The following ZNF500 variants were observed in gnomAD, a reference collection of about 807,000 sequenced individuals.
The protein encoded by ZNF500 is zinc finger protein 500, also known as zinc finger protein with KRAB and SCAN domains 18.
ZNF500 carries 31 observed loss-of-function variants against 30.1 expected under a neutral mutation model. That is an observed-to-expected ratio of 1.03 (90% CI 0.77 to 1.39). The LOEUF (loss-of-function observed/expected upper bound fraction) is 1.39, where lower values mean the gene tolerates loss of function less well. ZNF500 is among the 40% of genes most tolerant of loss of function. The pLI is 0.00. For synonymous variants in ZNF500, 392 were observed against 282.0 expected (o/e 1.39, Z -3.91); for missense variants, 817 against 657.8 (o/e 1.24, Z -2.65).
At chr16:4,746,253 G>A (rs1422482407), downstream of ZNF500, 14 of 1,065,406 alleles carry the variant, frequency 1.3e-5, no homozygotes, top group East Asian at 2.4e-5. Context: ...TAATGTGCCC[G>A]TCTGTAGAGA....
In ZNF500 at chr16:4,762,843, AC is replaced by A; in HGVS notation, c.415-88del. The A allele has an allele frequency of 2.1e-6, 3 of 1,451,612 alleles. No individual in the cohort carries two copies. The South Asian group carries it at 4.3e-5, about 21-fold the overall frequency. 89.9% of individuals were successfully genotyped at this position (1,451,612 alleles called of 1,614,324 possible). On this transcript the variant is annotated intron_variant, in intron 2 of 5. Coordinates refer to ENST00000219478, the MANE Select transcript of ZNF500 (RefSeq NM_021646.4). ...GGGCCCCACACCCCTCATCTCAGGC[AC>A]CCCAGCCGGCTGCCCACCCCCGGGC...
intron 5 of ZNF500, among the ~76,000 whole-genome samples, chr16:4,758,770 A>C (rs1239596910): frequency 6.6e-6 from 1 of 152,204 alleles, no homozygotes; most frequent in Non-Finnish European, 1.5e-5. Context: ...CTGATGACCA[A>C]CCAGAGCCCC....
chr16:4,765,306 A>AC (rs1567541063), intron 2 of ZNF500, among the ~76,000 whole-genome samples: 1 of 152,112 alleles, frequency 6.6e-6, no homozygotes, highest in African/African-American at 2.4e-5. Flanking sequence ...AAAAAAAAAA[A>AC]CATGTTTGGC....
chr16:4,762,454 G>A (rs2082216167), intron 3 of ZNF500, 119 bp from the exon 4 acceptor site: 3 of 1,513,824 alleles, frequency 2.0e-6, no homozygotes, highest in Non-Finnish European at 2.7e-6. Context: ...ACTCCTTGCT[G>A]GAGAGCCTGT....
chr16:4,751,766 G>A lies in ZNF500; in HGVS notation c.*610C>T. On this transcript the variant is annotated 3_prime_UTR_variant, in exon 6 of 6. Coordinates refer to ENST00000219478, the MANE Select transcript of ZNF500 (RefSeq NM_021646.4). ...GGTGGCCCTACCAAAAAAGAGACTG[G>A]GCATGGCGGCACACACCTGTAACCC... is the stretch of plus-strand genomic sequence containing the variant. The A allele has an allele frequency of 4.5e-6, 4 of 882,638 alleles. No individual in the cohort carries two copies. The South Asian group carries it at 6.0e-5, about 13-fold the overall frequency. The allele number at this position is 882,638 out of a possible 1,614,324, so 54.7% of individuals were successfully genotyped here.
rs1190972657 is a variant in ZNF500 at position 4,751,915 on chromosome 16, A to C, written c.*461T>G. The C allele has an allele frequency of 3.6e-6, 1 of 277,038 alleles. No individual in the cohort carries two copies. Among genetic ancestry groups the C allele is most frequent in the Non-Finnish European group, 5.8e-6 (1 of 171,878 alleles). 17.2% of individuals were successfully genotyped at this position (277,038 alleles called of 1,614,324 possible). On this transcript the variant is annotated 3_prime_UTR_variant, in exon 6 of 6. Transcript: ENST00000219478. The stretch of plus-strand genomic sequence containing the variant: ...ACAGCAAGGCCCCGTCTCAAAAAAA[A>C]AAGGGGGGGGGAGCAGGTGGGGGGT...
downstream of ZNF500, chr16:4,746,805 C>A (rs146221626): frequency 4.5e-4 from 424 of 945,722 alleles, 2 homozygotes; most frequent in African/African-American, 6.4e-3. Context: ...CCACCGGCCT[C>A]CAGTGTGGCT....
At chr16:4,747,661 G>A (rs368970244), downstream of ZNF500, 297 of 1,571,064 alleles carry the variant, frequency 1.9e-4, 1 homozygote, top group Middle Eastern at 1.2e-3. Context: ...AGTGGGCAGG[G>A]GCGGGCTGAC....
chr16:4,745,133 C>CT (rs1397837715), downstream of ZNF500: 3 of 1,294,536 alleles, frequency 2.3e-6, no homozygotes, highest in African/African-American at 1.5e-5. Context: ...CACTCTCAAG[C>CT]ATCTGATCAG....
At chr16:4,747,476 C>T (rs374196793), downstream of ZNF500, 205 of 1,613,278 alleles carry the variant, frequency 1.3e-4, no homozygotes, top group South Asian at 1.6e-4. Context: ...AGCTGGATCA[C>T]GAACTGGGAG....
intron 1 of ZNF500, 30 bp from the exon 2 acceptor site, chr16:4,766,106 G>T: frequency 1.7e-6 from 2 of 1,152,464 alleles, no homozygotes; most frequent in South Asian, 1.9e-5. Context: ...CCATCTGAAG[G>T]GCAGCCCTGG....
Position 4,762,795 on chromosome 16 carries a change from G to T in ZNF500, c.415-39C>A, listed in dbSNP as rs201888102. 11 of 1,540,702 alleles carry T rather than the reference G, an allele frequency of 7.1e-6. No homozygotes were observed. The African/African-American group carries it at 1.1e-4, about 15-fold the overall frequency. On this transcript the variant is annotated intron_variant, in intron 2 of 5. Coordinates refer to ENST00000219478, the MANE Select transcript of ZNF500 (RefSeq NM_021646.4). ...GTGATCTCCCCACCAGCTCCCAGAA[G>T]GCCAGAAGGAAAAATCCCCGCAGGG...
At chr16:4,762,392 G>A (rs577475159) in intron 3 of ZNF500, 57 bp from the exon 4 acceptor site, 24 of 1,548,134 alleles carry the variant, frequency 1.6e-5, no homozygotes, top group Admixed American at 7.7e-5. Context: ...TGCCCCTGCC[G>A]TCCCCTGCAC....
chr16:4,760,424 C>T (rs759375563), intron 5 of ZNF500, 68 bp downstream of exon 5: 9 of 1,471,566 alleles, frequency 6.1e-6, no homozygotes, highest in East Asian at 4.6e-5. Flanking sequence ...AACCAAGCCC[C>T]GGAGCTGGTG....
rs1371419590 is a variant in ZNF500 at position 4,765,715 on chromosome 16, C to A, written c.264G>T (p.Gln88His). The A allele has an allele frequency of 6.2e-7, 1 of 1,613,450 alleles. No individual in the cohort carries two copies. The highest frequency in any genetic ancestry group is 8.5e-7 in the Non-Finnish European group (1 of 1,179,970). The change falls in exon 2 of 6, where the codon CAG becomes CAT. Residue 88 changes from glutamine (Q) to histidine (H), a missense_variant. Transcript: ENST00000219478. The part of the protein sequence containing the change: ...WLRPELRTKE[Q>H]ILELLVLEQF... ...GCTCCAGCACCAGCAGCTCCAGGAT[C>A]TGCTCCTTGGTGCGCAGCTCCGGCC... is the stretch of plus-strand genomic sequence containing the variant.
intron 2 of ZNF500, among the ~76,000 whole-genome samples, chr16:4,764,538 T>G (rs971085956): frequency 6.6e-6 from 1 of 151,482 alleles, no homozygotes; most frequent in Non-Finnish European, 1.5e-5. Context: ...TCCCAGCACT[T>G]TGGGAGGCCA....
chr16:4,764,506 G>A (rs575530050), intron 2 of ZNF500, among the ~76,000 whole-genome samples: 4 of 151,302 alleles, frequency 2.6e-5, no homozygotes, highest in Non-Finnish European at 5.9e-5. Flanking sequence ...AATGGGCTAG[G>A]TGCGGTGGCT....
chr16:4,765,166 T>C (rs1318527930), intron 2 of ZNF500, among the ~76,000 whole-genome samples: 2 of 151,890 alleles, frequency 1.3e-5, no homozygotes, highest in East Asian at 3.9e-4. Context: ...GCAGGTGTAG[T>C]GGTGCATGCC....
chr16:4,745,138 G>C (rs1409960577), downstream of ZNF500: 2 of 1,256,560 alleles, frequency 1.6e-6, no homozygotes, highest in African/African-American at 3.0e-5. Flanking sequence ...TCAAGCATCT[G>C]ATCAGGCAGT....
Sources: allele counts gnomAD v4.1 joint callset (sites outside exome capture counted in the v4.1 genomes callset), GRCh38; gene constraint gnomAD v4.1.1; transcripts MANE v1.5; gene names NCBI Gene and HGNC (gene_info 2026-07-23, HGNC 2026-07-21).